The following PCDHGA9 variants were observed in gnomAD, a reference collection of about 807,000 sequenced individuals.
PCDHGA9 encodes protocadherin gamma-A9.
A neutral mutation model predicts 62.5 loss-of-function variants in PCDHGA9; 37 were observed. That is an observed-to-expected ratio of 0.59 (90% CI 0.46 to 0.78). The LOEUF (loss-of-function observed/expected upper bound fraction) is 0.78. PCDHGA9 is among the 30% of genes least tolerant of loss of function. PCDHGA9 has a pLI of 0.00. For synonymous variants in PCDHGA9, 459 were observed against 484.6 expected (o/e 0.95, Z 0.69); for missense variants, 1,138 against 1,166.2 (o/e 0.98, Z 0.35).
Position 141,477,964 on chromosome 5 carries a change from G to T in PCDHGA9, c.2425-16843G>T, listed in dbSNP as rs2099426491. On this transcript the variant is annotated intron_variant, in intron 1 of 3. Coordinates refer to ENST00000573521, the MANE Select transcript of PCDHGA9 (RefSeq NM_018921.3). The surrounding 1 kb of genome is among the most constrained non-coding windows in gnomAD (Gnocchi z 4.9). Reference sequence around the variant, plus strand: ...ACAGTCTCTTGGGATCCCCTAACCAGAGCCTTTTTGCCATAGGGCTGCACA... The same window carrying T: ...ACAGTCTCTTGGGATCCCCTAACCATAGCCTTTTTGCCATAGGGCTGCACA... 6.2e-7 allele frequency: 1 copy of T among 1,613,978 alleles called. No homozygotes were observed. The highest frequency in any genetic ancestry group is 1.1e-5 in the South Asian group (1 of 91,080).
chr5:141,404,886 C>T lies in PCDHGA9; in HGVS notation c.1934C>T (p.Ala645Val), dbSNP rs1248535405. 2 of 1,613,906 alleles carry T rather than the reference C, an allele frequency of 1.2e-6. No individual in the cohort carries two copies. Among genetic ancestry groups the T allele is most frequent in the South Asian group, 1.1e-5 (1 of 91,080 alleles). ...RDALKQSLVV[A>V]VQDHGQPPLS... is the part of the protein sequence containing the mutation. ...GCGCTCAAACAGAGCCTTGTGGTGG[C>T]TGTACAGGACCATGGCCAGCCCCCT... Residue 645 changes from alanine (A) to valine (V), a missense_variant, in exon 1 of 4, where the codon GCT (alanine) becomes GTT (valine). Coordinates refer to ENST00000573521, the MANE Select transcript of PCDHGA9 (RefSeq NM_018921.3).
Position 141,403,390 on chromosome 5 carries a change from G to A in PCDHGA9, c.438G>A (p.Ala146=). 6.2e-7 allele frequency: 1 copy of A among 1,614,038 alleles called. No homozygotes were observed. The highest frequency in any genetic ancestry group is 8.5e-7 in the Non-Finnish European group (1 of 1,179,902). ...TGGAAGTAAAAATTAACGAAATCGC[G>A]GTTCCTGGAGCACGTTATCCACTTC... ...ESLEVKINEI[A]VPGARYPLPE... is the part of the protein sequence containing the mutation. Residue 146 remains alanine, a synonymous_variant, in exon 1 of 4, where the codon GCG becomes GCA. Transcript: ENST00000573521.
chr5:141,443,235 C>G (rs1182428300), intron 1 of PCDHGA9, among the ~76,000 whole-genome samples: 2 of 151,642 alleles, frequency 1.3e-5, no homozygotes, highest in East Asian at 1.9e-4. Flanking sequence ...AATCTTAGCA[C>G]TTTGGGGCGC....
chr5:141,490,423 T>C lies in PCDHGA9; in HGVS notation c.2425-4384T>C. ...CCTTGATATCTCTCCGGACCTGCCATTTCAGATTAAGCCTTCTGAGAACCA... is the reference window on the plus strand; with the variant it reads ...CCTTGATATCTCTCCGGACCTGCCACTTCAGATTAAGCCTTCTGAGAACCA... On this transcript the variant is annotated intron_variant, in intron 1 of 3. Coordinates refer to ENST00000573521, the MANE Select transcript of PCDHGA9 (RefSeq NM_018921.3). This position sits in a 1 kb window ranked among gnomAD's most constrained non-coding sequence, Gnocchi z 5.4. 6.2e-7 allele frequency: 1 copy of C among 1,614,172 alleles called. No individual in the cohort carries two copies. The highest frequency in any genetic ancestry group is 8.5e-7 in the Non-Finnish European group (1 of 1,180,028).
chr5:141,496,747 A>T (rs13188028), intron 2 of PCDHGA9, among the ~76,000 whole-genome samples: 1 of 152,124 alleles, frequency 6.6e-6, no homozygotes, highest in Non-Finnish European at 1.5e-5. Context: ...CATTTATTCA[A>T]CAAATATTTA....
At chr5:141,410,413 T>C (rs1229133377) in intron 1 of PCDHGA9, 10 of 1,613,938 alleles carry the variant, frequency 6.2e-6, no homozygotes, top group Non-Finnish European at 8.5e-6. Context: ...AGTCTGGACC[T>C]GTAGTTCCCC....
chr5:141,421,748 G>C, intron 1 of PCDHGA9: 1 of 1,613,944 alleles, frequency 6.2e-7, no homozygotes, highest in Non-Finnish European at 8.5e-7. Flanking sequence ...TACCAGCTCA[G>C]CCCTAATAAT....
chr5:141,413,387 T>G (rs902208287), intron 1 of PCDHGA9: 1 of 1,613,908 alleles, frequency 6.2e-7, no homozygotes, highest in Non-Finnish European at 8.5e-7. Context: ...GTCCGCATAG[T>G]CTCCAGAGGT....
intron 1 of PCDHGA9, chr5:141,420,220 A>G (rs2096478738): frequency 6.2e-7 from 1 of 1,608,142 alleles, no homozygotes; most frequent in African/African-American, 1.3e-5. Flanking sequence ...ATAGCATGCT[A>G]CTGGCTAGCA....
intron 1 of PCDHGA9, chr5:141,422,676 A>C (rs1245488589): frequency 6.2e-7 from 1 of 1,606,500 alleles, no homozygotes; most frequent in Admixed American, 1.7e-5. Flanking sequence ...CGGACAGCAA[A>C]CAGAATGCCC....
At chr5:141,441,764 C>T (rs1407504024) in intron 1 of PCDHGA9, 1 of 384,478 alleles carries the variant, frequency 2.6e-6, no homozygotes, top group South Asian at 2.1e-5. Context: ...TGAGCCTGCG[C>T]GTGTTGGTGG....
At position 141,445,006 on chromosome 5, in the gene PCDHGA9, G is replaced by A. The variant is rs550056654; in HGVS notation, c.2424+39630G>A. Among the ~76,000 whole-genome samples, 51 of 152,044 alleles carry A rather than the reference G, an allele frequency of 3.4e-4. 2 individuals are homozygous for A. The South Asian group carries it at 9.6e-3, about 28-fold the overall frequency. ...CATGGTATATATTTCCATTTAATTA[G>A]GTCTTTAATTTCTCTCAGCTATGTT... On this transcript the variant is annotated intron_variant, in intron 1 of 3. Transcript: ENST00000573521.
intron 1 of PCDHGA9, among the ~76,000 whole-genome samples, chr5:141,481,008 A>G (rs2099529606): frequency 6.6e-6 from 1 of 152,224 alleles, no homozygotes; most frequent in Non-Finnish European, 1.5e-5. Context: ...CAGTGAGCCC[A>G]GATCACACCA....
At chr5:141,454,685 C>A (rs1305853379) in intron 1 of PCDHGA9, among the ~76,000 whole-genome samples, 1 of 151,844 alleles carries the variant, frequency 6.6e-6, no homozygotes, top group Non-Finnish European at 1.5e-5. Context: ...GGATTACAGG[C>A]ATGAGCCACC....
intron 1 of PCDHGA9, among the ~76,000 whole-genome samples, chr5:141,462,736 T>C (rs2099045667): frequency 6.6e-6 from 1 of 152,274 alleles, no homozygotes; most frequent in South Asian, 2.1e-4. Flanking sequence ...TTGTCACCTC[T>C]GTAATTCCTA....
intron 1 of PCDHGA9, among the ~76,000 whole-genome samples, chr5:141,460,124 A>AAT (rs2098982741): frequency 6.6e-6 from 1 of 152,052 alleles, no homozygotes; most frequent in African/African-American, 2.4e-5. Context: ...TTATATATGT[A>AAT]ATATATATAT....
intron 1 of PCDHGA9, chr5:141,415,388 G>T: frequency 6.2e-7 from 1 of 1,614,236 alleles, no homozygotes; most frequent in Non-Finnish European, 8.5e-7. Context: ...GGCTTGACAG[G>T]TGTGTCCGGC....
rs1386912520 is a variant in PCDHGA9 at position 141,505,425 on chromosome 5, C to T, written c.2516C>T (p.Pro839Leu). 1.2e-6 allele frequency: 2 copies of T among 1,614,060 alleles called. No individual in the cohort carries two copies. The highest frequency in any genetic ancestry group is 1.7e-6 in the Non-Finnish European group (2 of 1,180,022). The change falls in exon 3 of 4, where the codon CCC becomes CTC. Residue 839 changes from proline to leucine, a missense_variant. Physicochemically the swap from Pro to Leu is moderately conservative, Grantham distance 98 (BLOSUM62 -3). Transcript: ENST00000573521. ...AATGGCGATGACACCGGCACCTGGC[C>T]CAACAACCAGTTTGACACAGAGATG... ...SQNGDDTGTW[P>L]NNQFDTEMLQ... is the part of the protein sequence containing the mutation.
At chr5:141,507,862 G>A (rs17286954) in intron 3 of PCDHGA9, among the ~76,000 whole-genome samples, 4 of 152,076 alleles carry the variant, frequency 2.6e-5, no homozygotes, top group African/African-American at 7.2e-5. Flanking sequence ...TTTCACACCC[G>A]CTTCCTAGCC....
Sources: gnomAD v4.1 joint callset for allele counts (sites outside exome capture counted in the v4.1 genomes callset) on GRCh38, gnomAD v4.1.1 for gene constraint, Gnocchi (gnomAD v3.1) non-coding constraint, MANE v1.5 for transcripts, NCBI Gene and HGNC (gene_info 2026-07-23, HGNC 2026-07-21) for gene names.